AQR: variants seen among roughly 807,000 people sequenced by gnomAD.
AQR encodes RNA helicase aquarius.
In AQR, 61 loss-of-function variants were observed where a neutral mutation model predicts 180.5. The observed-to-expected ratio is 0.34, with a 90% CI of 0.28 to 0.42. The LOEUF is 0.42. Among genes scored for constraint, AQR ranks in the 10% least tolerant of loss-of-function variants. The pLI is 1.00. For missense variants in AQR, 1,281 were observed against 1,798.3 expected (o/e 0.71, Z 5.20); for synonymous variants, 551 against 588.8 (o/e 0.94, Z 0.93).
chr15:34,893,622 C>CAT, intron 23 of AQR, 41 bp downstream of exon 23: 1 of 1,450,294 alleles, frequency 6.9e-7, no homozygotes, highest in Non-Finnish European at 9.4e-7. Flanking sequence ...CACACACACA[C>CAT]ACACACACAC....
At position 34,906,604 on chromosome 15, in the gene AQR, T is replaced by A. The variant is rs1169736030; in HGVS notation, c.1772A>T (p.Tyr591Phe). The change falls in exon 18 of 35, where the codon TAT (tyrosine) becomes TTT (phenylalanine). Residue 591 changes from tyrosine (Y) to phenylalanine (F), a missense_variant. Coordinates refer to ENST00000156471, the MANE Select transcript of AQR (RefSeq NM_014691.3). ...GCCCTGAATTTCACAGCCTCTGACA[T>A]AAACCAGGCCAACCTGCTCAATAAA... ...RPFIEQVGLV[Y>F]VRGCEIQGML... 2 of 1,613,986 alleles carry A rather than the reference T, an allele frequency of 1.2e-6. No individual in the cohort carries two copies. Among genetic ancestry groups the A allele is most frequent in the East Asian group, 4.5e-5 (2 of 44,884 alleles).
chr15:34,968,050 T>G (rs1397972736), intron 1 of AQR, among the ~76,000 whole-genome samples: 1 of 152,002 alleles, frequency 6.6e-6, no homozygotes, highest in African/African-American at 2.4e-5. Flanking sequence ...CGACCTCAGG[T>G]GATCGACCTG....
chr15:34,965,059 T>C (rs1424289856), intron 1 of AQR, among the ~76,000 whole-genome samples: 1 of 152,208 alleles, frequency 6.6e-6, no homozygotes, highest in Non-Finnish European at 1.5e-5. Context: ...GATGAATGGA[T>C]GGACAAATGA....
chr15:34,948,480 T>C, intron 4 of AQR, 96 bp from the exon 5 acceptor site: 1 of 1,443,282 alleles, frequency 6.9e-7, no homozygotes, highest in South Asian at 1.4e-5. Flanking sequence ...TACAACTTTC[T>C]GAAAATATTT....
chr15:34,859,058 T>C (rs1157498093), intron 34 of AQR, among the ~76,000 whole-genome samples: 1 of 152,244 alleles, frequency 6.6e-6, no homozygotes, highest in African/African-American at 2.4e-5. Flanking sequence ...AACACTTTGA[T>C]ACATTGAACT....
At chr15:34,861,982 C>T (rs1410968791) in intron 33 of AQR, among the ~76,000 whole-genome samples, 1 of 151,900 alleles carries the variant, frequency 6.6e-6, no homozygotes, top group Non-Finnish European at 1.5e-5. Flanking sequence ...GCCCAAAAGT[C>T]TATAGTATAA....
intron 13 of AQR, among the ~76,000 whole-genome samples, chr15:34,920,887 G>A (rs1218969558): frequency 6.6e-6 from 1 of 152,106 alleles, no homozygotes; most frequent in Admixed American, 6.5e-5. Flanking sequence ...GAACCCGGGA[G>A]GCGGAGCTTG....
intron 16 of AQR, 124 bp from the exon 17 acceptor site, chr15:34,910,437 CTT>C (rs1893483116): frequency 9.9e-7 from 1 of 1,013,190 alleles, no homozygotes; most frequent in Non-Finnish European, 1.4e-6. Context: ...ATTAGTAACT[CTT>C]ATTTCTTAAC....
chr15:34,957,495 T>C (rs1280293564), intron 3 of AQR, among the ~76,000 whole-genome samples: 6 of 150,946 alleles, frequency 4.0e-5, no homozygotes, highest in Admixed American at 2.0e-4. Flanking sequence ...TCACCTGAGT[T>C]CGGGAGTGAC....
intron 19 of AQR, among the ~76,000 whole-genome samples, chr15:34,903,437 C>A (rs1295791236): frequency 6.6e-6 from 1 of 151,942 alleles, no homozygotes; most frequent in Non-Finnish European, 1.5e-5. Flanking sequence ...AGAAAGGAGG[C>A]AGGGATATGA....
rs770866184 is a variant in AQR at position 34,862,887 on chromosome 15, G to T, written c.4009C>A (p.Pro1337Thr). The part of the protein sequence containing the change: ...PLHLHIIPTE[P>T]FPTTRKNGER... ...CCTACCTTTCTAGTAGTTGGGAAAG[G>T]TTCTGTTGGAATTATATGCAAATGA... Residue 1337 changes from proline to threonine, a missense_variant, in exon 33 of 35, where the codon CCT (proline) becomes ACT (threonine). By Grantham distance (38) the Pro-to-Thr change is conservative (BLOSUM62 -1). This residue lies in a region of AQR where 182 missense variants were observed against 185.3 expected (regional missense o/e 0.98). Transcript: ENST00000156471. 6.2e-7 allele frequency: 1 copy of T among 1,613,678 alleles called. No individual in the cohort carries two copies. Among genetic ancestry groups the T allele is most frequent in the Non-Finnish European group, 8.5e-7 (1 of 1,179,748 alleles).
At chr15:34,863,837 TAAATA>T (rs1409156042) in intron 32 of AQR, among the ~76,000 whole-genome samples, 3 of 152,322 alleles carry the variant, frequency 2.0e-5, no homozygotes, top group African/African-American at 7.2e-5. Flanking sequence ...ACCTCACTAT[TAAATA>T]AAATGTGTTT....
At chr15:34,937,200 G>A (rs2140494960) in intron 9 of AQR, among the ~76,000 whole-genome samples, 1 of 152,124 alleles carries the variant, frequency 6.6e-6, no homozygotes, top group East Asian at 1.9e-4. Context: ...ACTGCGCCTG[G>A]CTAATTTTTT....
intron 5 of AQR, among the ~76,000 whole-genome samples, chr15:34,947,515 ATAAT>A (rs1195347771): frequency 3.1e-5 from 4 of 127,340 alleles, no homozygotes; most frequent in African/African-American, 1.0e-4. Context: ...AATAAAAAAA[ATAAT>A]AATAATAATA....
In AQR at chr15:34,901,925, G is replaced by T. The variant is rs1893338190; in HGVS notation, c.2002-1062C>A. ...CAATGATGAATAAGATCAGGGCTCT[G>T]CCCTCTAAGGAAATTACAGTTTTAG... is the stretch of plus-strand genomic sequence containing the variant. On this transcript the variant is annotated intron_variant, in intron 19 of 34. Transcript: ENST00000156471. 2.0e-5 allele frequency among the ~76,000 whole-genome samples: 3 copies of T among 152,178 alleles called. No individual in the cohort carries two copies. The South Asian group carries it at 6.2e-4, about 32-fold the overall frequency.
At chr15:34,907,645 ACT>A (rs1016182906) in intron 17 of AQR, among the ~76,000 whole-genome samples, 15 of 152,174 alleles carry the variant, frequency 9.9e-5, no homozygotes, top group African/African-American at 3.4e-4. Context: ...AGAAATAATA[ACT>A]CTATTCATAA....
intron 2 of AQR, among the ~76,000 whole-genome samples, chr15:34,963,111 T>C (rs1015195209): frequency 1.3e-5 from 2 of 152,138 alleles, no homozygotes; most frequent in African/African-American, 4.8e-5. Context: ...TCCAGAGCAA[T>C]TGATACTACA....
In AQR at chr15:34,854,563, C is replaced by T. The variant is rs1231260861; in HGVS notation, c.*2229G>A. ...CAGCTCTTAAATTCCTTCAAAAATT[C>T]CCAAGATTCTACAGTCAACTGCCAC... On this transcript the variant is annotated 3_prime_UTR_variant, in exon 35 of 35. Transcript: ENST00000156471. 2 of 152,178 alleles carry T rather than the reference C, an allele frequency of 1.3e-5. No homozygotes were observed. The highest frequency in any genetic ancestry group is 6.6e-5 in the Admixed American group (1 of 15,266). 9.4% of individuals were successfully genotyped at this position (152,178 alleles called of 1,614,324 possible).
Position 34,969,736 on chromosome 15 carries a change from G to C in AQR, c.-123C>G, listed in dbSNP as rs1438416290. The C allele has an allele frequency of 1.0e-6, 1 of 962,094 alleles. No individual in the cohort carries two copies. Among genetic ancestry groups the C allele is most frequent in the African/African-American group, 1.6e-5 (1 of 60,706 alleles). The allele number at this position is 962,094 out of a possible 1,614,324, so 59.6% of individuals were successfully genotyped here. A position where few individuals can be genotyped will look rare whatever the true frequency, so the allele number is the denominator to read the frequency against. On this transcript the variant is annotated 5_prime_UTR_variant, in exon 1 of 35. Transcript: ENST00000156471. The stretch of plus-strand genomic sequence containing the variant: ...ACTCCGCGCCGCACAAACGCTCCGG[G>C]CCGGATATCCTCAGCCTTCAGAGTC...
Sources: allele counts gnomAD v4.1 joint callset (sites outside exome capture counted in the v4.1 genomes callset), GRCh38; gene constraint gnomAD v4.1.1; regional missense constraint gnomAD v4.1.1; transcripts MANE v1.5; gene names NCBI Gene and HGNC (gene_info 2026-07-23, HGNC 2026-07-21).